The following MGST2 variants were observed in gnomAD, a reference collection of about 807,000 sequenced individuals.
MGST2 encodes the protein microsomal glutathione S-transferase 2.
In MGST2, 9 loss-of-function variants were observed where a neutral mutation model predicts 16.6. The observed-to-expected ratio is 0.54, with a 90% CI of 0.33 to 0.95. The LOEUF is 0.95. Among genes scored for constraint, MGST2 ranks in the 40% least tolerant of loss-of-function variants. MGST2 has a pLI of 0.03. For synonymous variants in MGST2, 79 were observed against 68.0 expected, an observed-to-expected ratio of 1.16 and a Z score of -0.79; for missense variants, 159 against 175.1, an observed-to-expected ratio of 0.91 and a Z score of 0.52.
intron 5 of MGST2, among the ~76,000 whole-genome samples, chr4:139,710,181 A>G (rs1472468764): frequency 6.6e-6 from 1 of 152,196 alleles, no homozygotes; most frequent in African/African-American, 2.4e-5. Context: ...CTTTTTCTCC[A>G]GACACAATCT....
At chr4:139,723,271 G>A (rs545033395) in intron 5 of MGST2, among the ~76,000 whole-genome samples, 14 of 152,218 alleles carry the variant, frequency 9.2e-5, no homozygotes, top group African/African-American at 3.1e-4. Context: ...ATCTCTGGAT[G>A]GTGGGATTTC....
At chr4:139,714,359 C>T (rs1004800502) in intron 5 of MGST2, among the ~76,000 whole-genome samples, 1 of 152,164 alleles carries the variant, frequency 6.6e-6, no homozygotes, top group Non-Finnish European at 1.5e-5. Context: ...ACTATTTGCA[C>T]ACAGAGACAG....
chr4:139,744,482 C>G (rs115705154), downstream of MGST2, among the ~76,000 whole-genome samples: 2,429 of 152,306 alleles, frequency 0.016, 71 homozygotes, highest in African/African-American at 0.056. Context: ...GCATGGCTAA[C>G]ATGCAAATAT....
At chr4:139,672,605 C>T (rs899742445) in intron 1 of MGST2, among the ~76,000 whole-genome samples, 1 of 149,058 alleles carries the variant, frequency 6.7e-6, no homozygotes, top group African/African-American at 2.5e-5. Flanking sequence ...ACTCGGAGTA[C>T]AGTGGTGCGA....
chr4:139,741,555 C>T (rs998344824), downstream of MGST2, among the ~76,000 whole-genome samples: 2 of 151,848 alleles, frequency 1.3e-5, no homozygotes, highest in African/African-American at 2.4e-5. Context: ...TCAGGACCAG[C>T]CTGGGCAACA....
chr4:139,702,662 C>T (rs554663045), intron 3 of MGST2, among the ~76,000 whole-genome samples: 1 of 151,864 alleles, frequency 6.6e-6, no homozygotes, highest in Non-Finnish European at 1.5e-5. Flanking sequence ...CTTTTGTGAA[C>T]ACATGCTTTC....
At chr4:139,688,363 G>C (rs1726365241) in intron 2 of MGST2, among the ~76,000 whole-genome samples, 1 of 152,092 alleles carries the variant, frequency 6.6e-6, no homozygotes, top group Non-Finnish European at 1.5e-5. Flanking sequence ...TTGCTTCTTA[G>C]TTCTTGTGAA....
At chr4:139,717,021 C>CTAT (rs893249773) in intron 5 of MGST2, 2 of 152,468 alleles carry the variant, frequency 1.3e-5, no homozygotes, top group African/African-American at 2.4e-5. Flanking sequence ...TAAAAATACT[C>CTAT]TATTTTAAAC....
At position 139,730,253 on chromosome 4, in the gene MGST2, T is replaced by C. The variant is rs771149526; in HGVS notation, c.*49-9959T>C. 40 of 655,400 alleles carry C rather than the reference T, an allele frequency of 6.1e-5. 1 individual carries two copies. The East Asian group carries it at 6.6e-4, about 11-fold the overall frequency. The allele number at this position is 655,400 out of a possible 1,614,324, so 40.6% of individuals were successfully genotyped here. The stretch of plus-strand genomic sequence containing the variant: ...TCATTATAGGAAAAACCCTAACTAA[T>C]TGAAAGGTCTAAATTCTTCAGGTTC... On this transcript the variant is annotated intron_variant, in intron 5 of 5. Transcript: ENST00000616265.
At chr4:139,679,851 G>A (rs1181257446) in intron 2 of MGST2, among the ~76,000 whole-genome samples, 1 of 151,608 alleles carries the variant, frequency 6.6e-6, no homozygotes, top group Non-Finnish European at 1.5e-5. Flanking sequence ...TAAGTCAAGT[G>A]GAAAGTATTG....
chr4:139,709,808 C>A (rs1727671273), intron 5 of MGST2, among the ~76,000 whole-genome samples: 1 of 152,178 alleles, frequency 6.6e-6, no homozygotes, highest in African/African-American at 2.4e-5. Context: ...TCCATGCTGG[C>A]CTGGCAGCTG....
intron 2 of MGST2, among the ~76,000 whole-genome samples, chr4:139,694,821 C>G (rs763004812): frequency 5.3e-5 from 8 of 152,238 alleles, no homozygotes; most frequent in Non-Finnish European, 1.0e-4. Context: ...CTGGGTAACT[C>G]AAGTGGAAGG....
intron 1 of MGST2, among the ~76,000 whole-genome samples, chr4:139,671,292 T>C (rs1188816654): frequency 3.9e-5 from 6 of 152,170 alleles, no homozygotes; most frequent in African/African-American, 1.4e-4. Context: ...GATTTCATTT[T>C]TGGTTTCTCC....
chr4:139,739,696 T>C (rs13120771), intron 5 of MGST2, among the ~76,000 whole-genome samples: 53,950 of 136,404 alleles, frequency 0.4, 11,332 homozygotes, highest in South Asian at 0.56. Context: ...TTTTTTTTTC[T>C]TTTATGTCCT....
At chr4:139,700,283 C>T (rs1727176999) in intron 3 of MGST2, among the ~76,000 whole-genome samples, 1 of 151,822 alleles carries the variant, frequency 6.6e-6, no homozygotes, top group Non-Finnish European at 1.5e-5. Flanking sequence ...AGGTGCCTGC[C>T]ACCACGCCCA....
At chr4:139,704,707 G>C (rs1382184657), downstream of MGST2, among the ~76,000 whole-genome samples, 1 of 152,192 alleles carries the variant, frequency 6.6e-6, no homozygotes, top group Non-Finnish European at 1.5e-5. Context: ...CAGATCACAA[G>C]GTCAGGAGAT....
intron 5 of MGST2, among the ~76,000 whole-genome samples, chr4:139,726,830 A>G (rs770163802): frequency 6.6e-5 from 10 of 152,206 alleles, no homozygotes; most frequent in Non-Finnish European, 1.3e-4. Flanking sequence ...TGGGAAGGCT[A>G]TTATCATTAT....
rs8192048 is a variant in MGST2 at position 139,675,723 on chromosome 4, G to A, written c.59-2820G>A. Among the ~76,000 whole-genome samples the A allele has an allele frequency of 7.1e-3, 1,086 of 152,296 alleles. 5 individuals carry two copies. Among genetic ancestry groups the A allele is most frequent in the Admixed American group, 0.011 (167 of 15,288 alleles). On this transcript the variant is annotated intron_variant, in intron 1 of 4. Transcript: ENST00000265498. ...CCTCAGCGAGAGGACTGAGCGCGCCGGGGAGGATTTTCCTTAGGGGTATTT... is the reference window on the plus strand; with the variant it reads ...CCTCAGCGAGAGGACTGAGCGCGCCAGGGAGGATTTTCCTTAGGGGTATTT...
intron 5 of MGST2, among the ~76,000 whole-genome samples, chr4:139,736,723 A>G (rs1378731815): frequency 6.6e-6 from 1 of 152,142 alleles, no homozygotes; most frequent in Non-Finnish European, 1.5e-5. Context: ...AGAAATGCAA[A>G]TTCCCAGGCT....
Sources: gnomAD v4.1 joint callset for allele counts (sites outside exome capture counted in the v4.1 genomes callset) on GRCh38, gnomAD v4.1.1 for gene constraint, MANE v1.5 for transcripts, NCBI Gene and HGNC (gene_info 2026-07-23, HGNC 2026-07-21) for gene names.